Variants in TYW1 observed in about 807,000 individuals in gnomAD.
The protein encoded by TYW1 is tRNA-yW synthesizing protein 1 homolog, also known as S-adenosyl-L-methionine-dependent tRNA 4-demethylwyosine synthase TYW1.
Under a neutral mutation model 96.2 loss-of-function variants are expected in TYW1, and 46 were observed. That is an observed-to-expected ratio of 0.48 (90% CI 0.38 to 0.61). TYW1 has a LOEUF of 0.61. Ranked by LOEUF, TYW1 falls within the 20% of genes least tolerant of loss-of-function variation. The pLI, the probability that TYW1 is intolerant of heterozygous loss-of-function variation, is 0.00. For missense variants in TYW1, 684 were observed against 909.6 expected, an observed-to-expected ratio of 0.75 and a Z score of 3.19; for synonymous variants, 274 against 323.0, an observed-to-expected ratio of 0.85 and a Z score of 1.63.
At chr7:67,060,636 C>T (rs1249173743) in intron 9 of TYW1, among the ~76,000 whole-genome samples, 1 of 152,114 alleles carries the variant, frequency 6.6e-6, no homozygotes, top group African/African-American at 2.4e-5. Flanking sequence ...TTTAATGAAT[C>T]GATACAAAAG....
At chr7:67,184,622 ATTTTATTTTATTTTATTTTAT>A (rs1584667615) in intron 14 of TYW1, among the ~76,000 whole-genome samples, 4 of 89,786 alleles carry the variant, frequency 4.5e-5, no homozygotes, top group East Asian at 4.7e-4. Flanking sequence ...ATTTTATTTT[ATTTTATTTTATTTTATTTTAT>A]TTTATTTATG....
chr7:67,007,251 G>T (rs1341735737), intron 3 of TYW1, among the ~76,000 whole-genome samples: 1 of 151,970 alleles, frequency 6.6e-6, no homozygotes, highest in East Asian at 1.9e-4. Context: ...AGGATACCTG[G>T]GGGTGTTACC....
At chr7:67,100,323 A>G (rs1209733053) in intron 12 of TYW1, among the ~76,000 whole-genome samples, 6 of 151,906 alleles carry the variant, frequency 3.9e-5, no homozygotes. Flanking sequence ...TGTAACACCA[A>G]AAGTATTACA....
intron 13 of TYW1, among the ~76,000 whole-genome samples, chr7:67,156,541 TG>T (rs1449519103): frequency 6.6e-6 from 1 of 152,176 alleles, no homozygotes; most frequent in Non-Finnish European, 1.5e-5. Context: ...CTTTTCGTCC[TG>T]GGAGTAGTCA....
intron 7 of TYW1, among the ~76,000 whole-genome samples, chr7:67,035,550 T>C (rs1236987099): frequency 2.0e-5 from 3 of 152,148 alleles, no homozygotes; most frequent in Non-Finnish European, 4.4e-5. Context: ...GTTGATAATT[T>C]GCTAGAAAAA....
chr7:67,064,754 C>G (rs34813948), intron 9 of TYW1, among the ~76,000 whole-genome samples: 37,051 of 152,086 alleles, frequency 0.24, 4,791 homozygotes, highest in African/African-American at 0.32. Context: ...TTCAAGTTGA[C>G]ATTTGAGTGG....
intron 7 of TYW1, among the ~76,000 whole-genome samples, chr7:67,037,818 A>T (rs995066659): frequency 2.0e-5 from 3 of 152,164 alleles, no homozygotes; most frequent in African/African-American, 7.2e-5. Context: ...AAAAAAATTT[A>T]AAAAATACTG....
At chr7:67,220,419 A>G (rs570354375) in intron 15 of TYW1, among the ~76,000 whole-genome samples, 160 of 152,006 alleles carry the variant, frequency 1.1e-3, no homozygotes, top group Middle Eastern at 6.8e-3. Context: ...TAGCCAGGAT[A>G]GTCTCGATCT....
chr7:67,128,533 AAACT>A (rs1224841840), intron 13 of TYW1, among the ~76,000 whole-genome samples: 1 of 152,044 alleles, frequency 6.6e-6, no homozygotes. Context: ...CTATCTCTTT[AAACT>A]TTGCTTTTTG....
intron 13 of TYW1, among the ~76,000 whole-genome samples, chr7:67,175,371 A>G (rs373282333): frequency 2.0e-5 from 3 of 152,232 alleles, no homozygotes; most frequent in East Asian, 1.9e-4. Context: ...GGGTTTCTCC[A>G]TGTTGGTGAG....
intron 13 of TYW1, among the ~76,000 whole-genome samples, chr7:67,122,117 G>A (rs897323159): frequency 9.2e-5 from 14 of 152,018 alleles, no homozygotes; most frequent in African/African-American, 3.4e-4. Context: ...CCAAGGTCAA[G>A]ATCCAGTAGT....
intron 13 of TYW1, among the ~76,000 whole-genome samples, chr7:67,136,768 G>T (rs1445074477): frequency 6.6e-6 from 1 of 151,792 alleles, no homozygotes; most frequent in Non-Finnish European, 1.5e-5. Flanking sequence ...ATAATGTGTA[G>T]TTGTCCTTTT....
At chr7:67,079,026 T>C (rs183138054) in intron 10 of TYW1, among the ~76,000 whole-genome samples, 33 of 152,316 alleles carry the variant, frequency 2.2e-4, no homozygotes, top group Admixed American at 3.9e-4. Flanking sequence ...ATCAGGGATA[T>C]TGGCATGCTA....
intron 9 of TYW1, among the ~76,000 whole-genome samples, chr7:67,066,002 TACACACAC>T (rs778159395): frequency 2.1e-5 from 2 of 93,132 alleles, no homozygotes; most frequent in Admixed American, 2.1e-4. Flanking sequence ...AGAGTGAGAC[TACACACAC>T]ACACACACAC....
chr7:67,043,931 A>T lies in TYW1; in HGVS notation c.985-6018A>T, dbSNP rs551074030. Among the ~76,000 whole-genome samples the T allele has an allele frequency of 2.6e-5, 4 of 152,152 alleles. No homozygotes were observed. In the South Asian group the frequency reaches 8.3e-4, roughly 32 times the overall value. On this transcript the variant is annotated intron_variant, in intron 7 of 15. Coordinates refer to ENST00000359626, the MANE Select transcript of TYW1 (RefSeq NM_018264.4). The stretch of plus-strand genomic sequence containing the variant: ...AAAACTGAACCATGACTAGTGAGTG[A>T]TATCTTGGAGATTCATTTATTAAAG...
intron 6 of TYW1, among the ~76,000 whole-genome samples, chr7:67,022,951 C>T (rs969612854): frequency 2.0e-5 from 3 of 152,118 alleles, no homozygotes; most frequent in East Asian, 1.9e-4. Context: ...ACAGGACAGG[C>T]GTGACCTCGT....
intron 13 of TYW1, among the ~76,000 whole-genome samples, chr7:67,173,820 G>GT (rs780463434): frequency 3.5e-5 from 5 of 142,924 alleles, no homozygotes; most frequent in Non-Finnish European, 6.1e-5. Context: ...TTTGCTGAGA[G>GT]TTTTTATTAT....
At chr7:67,136,934 T>A (rs1167551327) in intron 13 of TYW1, among the ~76,000 whole-genome samples, 1 of 151,966 alleles carries the variant, frequency 6.6e-6, no homozygotes. Flanking sequence ...GCAATTCTCC[T>A]GCCTCAGCCT....
At chr7:67,133,594 G>A (rs1201764616) in intron 13 of TYW1, among the ~76,000 whole-genome samples, 1 of 142,388 alleles carries the variant, frequency 7.0e-6, no homozygotes, top group Non-Finnish European at 1.5e-5. Context: ...GGTACTTGGC[G>A]GCTGAGCGAG....
Sources: allele counts gnomAD v4.1 joint callset (sites outside exome capture counted in the v4.1 genomes callset), GRCh38; gene constraint gnomAD v4.1.1; transcripts MANE v1.5; gene names NCBI Gene and HGNC (gene_info 2026-07-23, HGNC 2026-07-21).